Variants in SLC23A2 observed in about 807,000 individuals in gnomAD.
SLC23A2 encodes the protein Na(+)/L-ascorbic acid transporter 2.
Under a neutral mutation model 73.3 loss-of-function variants are expected in SLC23A2, and 36 were observed. The observed-to-expected ratio is 0.49, with a 90% CI of 0.38 to 0.65. The LOEUF (loss-of-function observed/expected upper bound fraction) is 0.65, where lower values mean the gene tolerates loss of function less well. Ranked by LOEUF, SLC23A2 falls within the 30% of genes least tolerant of loss-of-function variation. SLC23A2 has a pLI of 0.00. For missense variants in SLC23A2, 507 were observed against 841.6 expected (o/e 0.60, Z 4.92); for synonymous variants, 343 against 327.3 (o/e 1.05, Z -0.52).
intron 2 of SLC23A2, among the ~76,000 whole-genome samples, chr20:4,933,716 A>G (rs1932814474): frequency 6.6e-6 from 1 of 152,178 alleles, no homozygotes; most frequent in Admixed American, 6.5e-5. Flanking sequence ...CTATGCCTGA[A>G]TTTTTATAAA....
At position 4,883,515 on chromosome 20, in the gene SLC23A2, C is replaced by T. The variant is rs773234989; in HGVS notation, c.824+127G>A. 1.1e-5 allele frequency: 8 copies of T among 729,052 alleles called. No homozygotes were observed. The highest frequency in any genetic ancestry group is 8.3e-4 in the Middle Eastern group (2 of 2,404). 45.2% of individuals were successfully genotyped at this position (729,052 alleles called of 1,614,324 possible). A position where few individuals can be genotyped will look rare whatever the true frequency, so the allele number is the denominator to read the frequency against. On this transcript the variant is annotated intron_variant, in intron 9 of 16. Coordinates refer to ENST00000338244, the MANE Select transcript of SLC23A2 (RefSeq NM_005116.6). The surrounding 1 kb of genome is among the most constrained non-coding windows in gnomAD (Gnocchi z 4.5). ...AAAACCCTTCAACTATTCCCCAGCA[C>T]GAAGCAAATAAAGTTGAAACTGTCA...
At chr20:4,903,363 C>G (rs185220664) in intron 4 of SLC23A2, among the ~76,000 whole-genome samples, 1 of 152,110 alleles carries the variant, frequency 6.6e-6, no homozygotes, top group East Asian at 1.9e-4. Context: ...CTCAAGGTAG[C>G]CCCGAGTTCC....
chr20:4,913,453 C>T (rs902119345), intron 3 of SLC23A2, among the ~76,000 whole-genome samples: 1 of 152,172 alleles, frequency 6.6e-6, no homozygotes, highest in Non-Finnish European at 1.5e-5. Context: ...TTCTGCCAGC[C>T]AGTAGCAAGA....
At chr20:4,917,921 T>A (rs1932383485) in intron 3 of SLC23A2, among the ~76,000 whole-genome samples, 1 of 152,240 alleles carries the variant, frequency 6.6e-6, no homozygotes, top group South Asian at 2.1e-4. Context: ...GAAGTACTAG[T>A]CTACCTTACC....
chr20:4,856,729 T>A lies in SLC23A2; in HGVS notation c.*243A>T. ...GGGAGGACTGGAACTTCAAATTTAGTGACCATGGCCAGCAATGGACACTCT... is the reference window on the plus strand; with the variant it reads ...GGGAGGACTGGAACTTCAAATTTAGAGACCATGGCCAGCAATGGACACTCT... On this transcript the variant is annotated 3_prime_UTR_variant, in exon 17 of 17. Coordinates refer to ENST00000338244, the MANE Select transcript of SLC23A2 (RefSeq NM_005116.6). This position sits in a 1 kb window ranked among gnomAD's most constrained non-coding sequence, Gnocchi z 4.6. The A allele has an allele frequency of 2.2e-6, 1 of 453,226 alleles. No homozygotes were observed. Among genetic ancestry groups the A allele is most frequent in the Non-Finnish European group, 3.9e-6 (1 of 254,302 alleles). 28.1% of individuals were successfully genotyped at this position (453,226 alleles called of 1,614,324 possible).
Position 4,872,521 on chromosome 20 carries a change from C to T in SLC23A2, c.1102+1415G>A, listed in dbSNP as rs2122799694. On this transcript the variant is annotated intron_variant, in intron 11 of 16. Coordinates refer to ENST00000338244, the MANE Select transcript of SLC23A2 (RefSeq NM_005116.6). The surrounding 1 kb of genome is among the most constrained non-coding windows in gnomAD (Gnocchi z 4.4). ...AGCTTGTGCCCCTACTGGCGCCCAC[C>T]TTGGGAGTTGCCTGCACAAGCAGAA... Among the ~76,000 whole-genome samples, 1 of 152,204 alleles carries T rather than the reference C, an allele frequency of 6.6e-6. No homozygotes were observed. The highest frequency in any genetic ancestry group is 1.9e-4 in the East Asian group (1 of 5,168).
intron 7 of SLC23A2, among the ~76,000 whole-genome samples, 172 bp downstream of exon 7, chr20:4,885,647 AAG>A (rs2122833392): frequency 6.6e-6 from 1 of 152,350 alleles, no homozygotes; most frequent in South Asian, 2.1e-4. Flanking sequence ...AGTGGACAGA[AAG>A]AGAGAGACAG....
intron 3 of SLC23A2, among the ~76,000 whole-genome samples, chr20:4,915,220 G>A (rs986752923): frequency 3.9e-5 from 6 of 152,184 alleles, no homozygotes; most frequent in Admixed American, 3.3e-4. Flanking sequence ...GAAGGGTGCT[G>A]CCTTAGGGAC....
In SLC23A2 at chr20:4,853,796, C is replaced by G. The variant is rs1929613800; in HGVS notation, c.*3176G>C. ...GCATGGTTAAAGCCACTTCTCTTGC[C>G]TTGATCAATCCCAAGAAACTAAAAG... On this transcript the variant is annotated 3_prime_UTR_variant, in exon 17 of 17. Coordinates refer to ENST00000338244, the MANE Select transcript of SLC23A2 (RefSeq NM_005116.6). 1 of 152,488 alleles carries G rather than the reference C, an allele frequency of 6.6e-6. No individual in the cohort carries two copies. Among genetic ancestry groups the G allele is most frequent in the Admixed American group, 6.5e-5 (1 of 15,302 alleles). The allele number at this position is 152,488 out of a possible 1,614,324, so 9.4% of individuals were successfully genotyped here. A position where few individuals can be genotyped will look rare whatever the true frequency, so the allele number is the denominator to read the frequency against.
Position 4,947,736 on chromosome 20 carries a change from C to T in SLC23A2, c.-154-15020G>A, listed in dbSNP as rs988768480. On this transcript the variant is annotated intron_variant, in intron 2 of 16. Coordinates refer to ENST00000338244, the MANE Select transcript of SLC23A2 (RefSeq NM_005116.6). This position sits in a 1 kb window ranked among gnomAD's most constrained non-coding sequence, Gnocchi z 4.4. ...ATCATTCTGGAAGACAAACGTTGTT[C>T]GTGTTACCTTCCAAGCTAAGAGAAC... 2.6e-5 allele frequency among the ~76,000 whole-genome samples: 4 copies of T among 152,110 alleles called. No homozygotes were observed. The highest frequency in any genetic ancestry group is 4.4e-5 in the Non-Finnish European group (3 of 68,020).
intron 4 of SLC23A2, among the ~76,000 whole-genome samples, chr20:4,906,438 C>T (rs192396237): frequency 5.6e-4 from 85 of 152,016 alleles, no homozygotes; most frequent in African/African-American, 1.8e-3. Context: ...ATGGTGAAAC[C>T]CTGAAACCCT....
At chr20:4,913,816 G>A (rs1000892319) in intron 3 of SLC23A2, among the ~76,000 whole-genome samples, 6 of 151,712 alleles carry the variant, frequency 4.0e-5, no homozygotes, top group African/African-American at 1.5e-4. Flanking sequence ...TAGTAGAGAC[G>A]GGGTTTCACC....
chr20:4,945,196 T>A (rs182043857), intron 2 of SLC23A2, among the ~76,000 whole-genome samples: 1 of 152,168 alleles, frequency 6.6e-6, no homozygotes, highest in African/African-American at 2.4e-5. Flanking sequence ...TTATTTGATC[T>A]TGTGATGACA....
chr20:4,981,471 G>T (rs1049698513), intron 1 of SLC23A2, among the ~76,000 whole-genome samples: 2 of 152,090 alleles, frequency 1.3e-5, no homozygotes, highest in African/African-American at 4.8e-5. Flanking sequence ...GGAAGTGCTC[G>T]GGCTGAATTT....
intron 2 of SLC23A2, among the ~76,000 whole-genome samples, chr20:4,967,474 C>T (rs1394449768): frequency 6.6e-6 from 1 of 152,198 alleles, no homozygotes; most frequent in Non-Finnish European, 1.5e-5. Flanking sequence ...TCCTTCCTTA[C>T]CTTCTTATGT....
chr20:4,956,910 C>T lies in SLC23A2; in HGVS notation c.-155+13883G>A, dbSNP rs189899302. Among the ~76,000 whole-genome samples, 372 of 150,800 alleles carry T rather than the reference C, an allele frequency of 2.5e-3. 2 individuals are homozygous for T. Among genetic ancestry groups the T allele is most frequent in the African/African-American group, 8.2e-3 (338 of 40,976 alleles). On this transcript the variant is annotated intron_variant, in intron 2 of 16. Coordinates refer to ENST00000338244, the MANE Select transcript of SLC23A2 (RefSeq NM_005116.6). ...GCAACCTCTGCCTTCTGGGTTCAAG[C>T]GATTCTCCTGCCTCCGCCTCCCAAG...
chr20:4,988,817 CAGG>C (rs2087875247), intron 1 of SLC23A2, among the ~76,000 whole-genome samples: 1 of 151,568 alleles, frequency 6.6e-6, no homozygotes, highest in Admixed American at 6.6e-5. Context: ...GAGGCTGAGA[CAGG>C]AGAAGCGCTT....
chr20:4,987,368 G>A (rs982524388), intron 1 of SLC23A2, among the ~76,000 whole-genome samples: 3 of 152,108 alleles, frequency 2.0e-5, no homozygotes, highest in African/African-American at 7.2e-5. Flanking sequence ...GGCTAAAACA[G>A]AAGCCCTGGG....
rs1240117263 is a variant in SLC23A2 at position 4,853,345 on chromosome 20, C to T, written c.*3627G>A. ...GGCTTCTGCTACTGCTCCATATTCACCTTCAATCTGGCCTGGCCACTCCCA... is the reference window on the plus strand; with the variant it reads ...GGCTTCTGCTACTGCTCCATATTCATCTTCAATCTGGCCTGGCCACTCCCA... On this transcript the variant is annotated 3_prime_UTR_variant, in exon 17 of 17. Coordinates refer to ENST00000338244, the MANE Select transcript of SLC23A2 (RefSeq NM_005116.6). The T allele has an allele frequency of 1.3e-5, 2 of 152,674 alleles. No homozygotes were observed. Among genetic ancestry groups the T allele is most frequent in the African/African-American group, 4.8e-5 (2 of 41,462 alleles). 9.5% of individuals were successfully genotyped at this position (152,674 alleles called of 1,614,324 possible).
Sources: allele counts gnomAD v4.1 joint callset (sites outside exome capture counted in the v4.1 genomes callset), GRCh38; gene constraint gnomAD v4.1.1; non-coding constraint Gnocchi (gnomAD v3.1); transcripts MANE v1.5; gene names NCBI Gene and HGNC (gene_info 2026-07-23, HGNC 2026-07-21).